The following KLHDC10 variants were observed in gnomAD, a reference collection of about 807,000 sequenced individuals.
The protein encoded by KLHDC10 is kelch domain containing 10.
KLHDC10 carries 24 observed loss-of-function variants against 56.1 expected under a neutral mutation model. That is an observed-to-expected ratio of 0.43 (90% CI 0.31 to 0.60). The LOEUF is 0.60. Ranked by LOEUF, KLHDC10 falls within the 20% of genes least tolerant of loss-of-function variation. The pLI, the probability that KLHDC10 is intolerant of heterozygous loss-of-function variation, is 0.11. For missense variants in KLHDC10, 349 were observed against 567.0 expected (o/e 0.62, Z 3.91); for synonymous variants, 188 against 207.1 (o/e 0.91, Z 0.79).
Position 130,122,057 on chromosome 7 carries a change from A to G in KLHDC10, c.634A>G (p.Met212Val), listed in dbSNP as rs776218373. The G allele has an allele frequency of 3.1e-6, 5 of 1,612,868 alleles. No homozygotes were observed. The highest frequency in any genetic ancestry group is 4.2e-6 in the Non-Finnish European group (5 of 1,179,462). The part of the protein sequence containing the change: ...KKPSRIYGQA[M>V]AIINGSLYVF... ...TTCACCTTTCCTTGTTATCCAGGCT[A>G]TGGCCATCATCAATGGCTCCCTTTA... The change falls in exon 5 of 10, where the codon ATG (methionine) becomes GTG (valine). Residue 212 changes from methionine to valine, a missense_variant. Physicochemically the swap from Met to Val is conservative, Grantham distance 21 (BLOSUM62 1). Around this residue, in one of 2 missense-constraint regions of KLHDC10, gnomAD observed 245 missense variants for 470.1 expected, o/e 0.52. Coordinates refer to ENST00000335420, the MANE Select transcript of KLHDC10 (RefSeq NM_014997.4).
Position 130,134,623 on chromosome 7 carries a change from G to C in KLHDC10, c.*3877G>C, listed in dbSNP as rs1374184329. ...AAGACTGTGTTGGTCTTCGTATTCTGTAAAACCCATTTTTTTTTTGTGGTC... is the reference window on the plus strand; with the variant it reads ...AAGACTGTGTTGGTCTTCGTATTCTCTAAAACCCATTTTTTTTTTGTGGTC... On this transcript the variant is annotated 3_prime_UTR_variant, in exon 10 of 10. Coordinates refer to ENST00000335420, the MANE Select transcript of KLHDC10 (RefSeq NM_014997.4). 7.3e-6 allele frequency: 1 copy of C among 137,176 alleles called. No homozygotes were observed. The highest frequency in any genetic ancestry group is 1.7e-5 in the Non-Finnish European group (1 of 59,974). The allele number at this position is 137,176 out of a possible 1,614,324, so 8.5% of individuals were successfully genotyped here.
chr7:130,127,723 A>G (rs1796332446), intron 8 of KLHDC10, among the ~76,000 whole-genome samples: 1 of 152,216 alleles, frequency 6.6e-6, no homozygotes. Flanking sequence ...AGCATCCCAC[A>G]CCTCAACAGA....
intron 1 of KLHDC10, among the ~76,000 whole-genome samples, chr7:130,071,023 C>T (rs1258981561): frequency 1.3e-5 from 2 of 152,190 alleles, no homozygotes; most frequent in African/African-American, 2.4e-5. Context: ...GTTGAAAGCT[C>T]TGTGCTGAGA....
At chr7:130,087,114 C>T (rs938197861) in intron 1 of KLHDC10, among the ~76,000 whole-genome samples, 6 of 152,210 alleles carry the variant, frequency 3.9e-5, no homozygotes, top group African/African-American at 1.4e-4. Flanking sequence ...AGGATTTAGA[C>T]CCAGGCAATG....
intron 2 of KLHDC10, among the ~76,000 whole-genome samples, chr7:130,100,839 A>G (rs1377378099): frequency 6.6e-6 from 1 of 152,156 alleles, no homozygotes; most frequent in Non-Finnish European, 1.5e-5. Flanking sequence ...ATTTCTACCA[A>G]TTAAAATTGT....
At chr7:130,112,725 T>A (rs2116896212) in intron 2 of KLHDC10, among the ~76,000 whole-genome samples, 1 of 152,350 alleles carries the variant, frequency 6.6e-6, no homozygotes, top group Non-Finnish European at 1.5e-5. Context: ...TAGTCACTCT[T>A]GGGTTATAAA....
At chr7:130,095,914 G>A (rs1363720219) in intron 1 of KLHDC10, among the ~76,000 whole-genome samples, 1 of 152,108 alleles carries the variant, frequency 6.6e-6, no homozygotes, top group East Asian at 1.9e-4. Context: ...CTTCTTCAAA[G>A]TATTTTGTTA....
chr7:130,124,380 A>C, intron 5 of KLHDC10, 71 bp from the exon 6 acceptor site: 1 of 869,992 alleles, frequency 1.1e-6, no homozygotes, highest in Non-Finnish European at 1.9e-6. Flanking sequence ...TGTAATAAAA[A>C]ACCTTATAGC....
chr7:130,085,161 C>T (rs1584620695), intron 1 of KLHDC10, among the ~76,000 whole-genome samples: 3 of 151,238 alleles, frequency 2.0e-5, no homozygotes, highest in Admixed American at 2.0e-4. Flanking sequence ...GGTGAAACCC[C>T]GTCTCTACTA....
chr7:130,098,509 A>T (rs1444991157), intron 2 of KLHDC10, among the ~76,000 whole-genome samples: 1 of 152,168 alleles, frequency 6.6e-6, no homozygotes, highest in Non-Finnish European at 1.5e-5. Context: ...AAGAAAAAAA[A>T]TTAGATGATT....
At chr7:130,083,476 A>G (rs1454405886) in intron 1 of KLHDC10, among the ~76,000 whole-genome samples, 1 of 152,140 alleles carries the variant, frequency 6.6e-6, no homozygotes, top group East Asian at 1.9e-4. Context: ...GAGAGGAGAG[A>G]TTTTTTAAAA....
At chr7:130,124,020 C>T (rs2116914546) in intron 5 of KLHDC10, among the ~76,000 whole-genome samples, 1 of 152,230 alleles carries the variant, frequency 6.6e-6, no homozygotes, top group East Asian at 1.9e-4. Context: ...ATAATTTCCC[C>T]TTTATACAAA....
At chr7:130,108,558 A>C (rs369259240) in intron 2 of KLHDC10, among the ~76,000 whole-genome samples, 76 of 76,690 alleles carry the variant, frequency 9.9e-4, no homozygotes, top group African/African-American at 1.4e-3. Flanking sequence ...CAAATATCCA[A>C]AAAAAAAAAA....
intron 3 of KLHDC10, among the ~76,000 whole-genome samples, chr7:130,117,896 G>A (rs1160039729): frequency 6.7e-6 from 1 of 150,322 alleles, no homozygotes; most frequent in African/African-American, 2.5e-5. Context: ...CGGGCATGGT[G>A]GCTCACACCT....
At chr7:130,079,389 A>T (rs1053782110) in intron 1 of KLHDC10, among the ~76,000 whole-genome samples, 5 of 152,140 alleles carry the variant, frequency 3.3e-5, no homozygotes, top group Admixed American at 1.3e-4. Context: ...TACTTTATTT[A>T]AAAAATGTAT....
At chr7:130,071,207 G>C (rs912077899) in intron 1 of KLHDC10, among the ~76,000 whole-genome samples, 2 of 152,214 alleles carry the variant, frequency 1.3e-5, no homozygotes, top group African/African-American at 4.8e-5. Context: ...GAGAGAAGAA[G>C]GAAACGCATT....
intron 2 of KLHDC10, among the ~76,000 whole-genome samples, chr7:130,099,423 G>A (rs955579803): frequency 1.3e-5 from 2 of 152,196 alleles, no homozygotes; most frequent in Non-Finnish European, 2.9e-5. Flanking sequence ...ATTATTTGTG[G>A]TAAGTGTTCT....
At chr7:130,082,349 G>A (rs1047787912) in intron 1 of KLHDC10, among the ~76,000 whole-genome samples, 4 of 152,100 alleles carry the variant, frequency 2.6e-5, no homozygotes, top group Non-Finnish European at 4.4e-5. Flanking sequence ...ATTGGAAAAC[G>A]TAGAAAAATT....
At chr7:130,076,402 A>T (rs928988021) in intron 1 of KLHDC10, among the ~76,000 whole-genome samples, 2 of 151,902 alleles carry the variant, frequency 1.3e-5, no homozygotes, top group African/African-American at 4.8e-5. Flanking sequence ...ACAGTTTTTC[A>T]TTTGCGTTTT....
Sources: allele counts gnomAD v4.1 joint callset (sites outside exome capture counted in the v4.1 genomes callset), GRCh38; gene constraint gnomAD v4.1.1; regional missense constraint gnomAD v4.1.1; transcripts MANE v1.5; gene names NCBI Gene and HGNC (gene_info 2026-07-23, HGNC 2026-07-21).